Variants in SDCCAG8 observed in about 807,000 individuals in gnomAD.
SDCCAG8 encodes SHH signaling and ciliogenesis regulator SDCCAG8, also known as serologically defined colon cancer antigen 8.
Under a neutral mutation model 101.8 loss-of-function variants are expected in SDCCAG8, and 74 were observed. That is an observed-to-expected ratio of 0.73 (90% CI 0.60 to 0.88). The LOEUF (loss-of-function observed/expected upper bound fraction) is 0.88. SDCCAG8 is among the 40% of genes least tolerant of loss of function. SDCCAG8 has a pLI of 0.00. For missense variants in SDCCAG8, 787 were observed against 822.6 expected (o/e 0.96, Z 0.53); for synonymous variants, 281 against 292.9 (o/e 0.96, Z 0.41).
At chr1:243,313,111 A>T (rs142488141) in intron 8 of SDCCAG8, among the ~76,000 whole-genome samples, 1 of 152,332 alleles carries the variant, frequency 6.6e-6, no homozygotes, top group African/African-American at 2.4e-5. Flanking sequence ...GCTTTAGTCC[A>T]GCTTGTGATT....
rs543115202 is a variant in SDCCAG8, at chr1:243,493,119, GAC to G, written c.2112+3986_2112+3987del. Among the ~76,000 whole-genome samples, 257 of 151,990 alleles carry G rather than the reference GAC, an allele frequency of 1.7e-3. 1 individual carries two copies. Among genetic ancestry groups the G allele is most frequent in the Non-Finnish European group, 2.5e-3 (171 of 67,972 alleles). Reference sequence around the variant, plus strand: ...TATTCCGGGAGGGTCAGGGCCTCCAGACACACACCCTGGCCTGTCTTTTGTTT... The same window carrying G: ...TATTCCGGGAGGGTCAGGGCCTCCAGACACACCCTGGCCTGTCTTTTGTTT... On this transcript the variant is annotated intron_variant, in intron 17 of 17. Transcript: ENST00000366541.
intron 16 of SDCCAG8, among the ~76,000 whole-genome samples, chr1:243,463,563 G>A (rs753348472): frequency 1.3e-5 from 2 of 152,124 alleles, no homozygotes; most frequent in East Asian, 1.9e-4. Context: ...GATGGAAACC[G>A]CTTCCTGTAA....
intron 6 of SDCCAG8, among the ~76,000 whole-genome samples, chr1:243,300,593 T>A (rs377377145): frequency 3.3e-5 from 5 of 152,154 alleles, no homozygotes; most frequent in East Asian, 1.9e-4. Context: ...ATTTTGCCCA[T>A]CTCCAATCAC....
intron 9 of SDCCAG8, among the ~76,000 whole-genome samples, chr1:243,330,079 T>C (rs1378896207): frequency 6.6e-6 from 1 of 152,246 alleles, no homozygotes; most frequent in Non-Finnish European, 1.5e-5. Context: ...CTGTGTGTAA[T>C]GATATATTCA....
At chr1:243,330,986 C>T (rs2074549770) in intron 10 of SDCCAG8, among the ~76,000 whole-genome samples, 1 of 152,054 alleles carries the variant, frequency 6.6e-6, no homozygotes, top group Admixed American at 6.6e-5. Context: ...CTCGTGTTTC[C>T]CAGAGTCGTG....
At chr1:243,365,706 T>C (rs2076955713) in intron 12 of SDCCAG8, among the ~76,000 whole-genome samples, 1 of 152,130 alleles carries the variant, frequency 6.6e-6, no homozygotes, top group African/African-American at 2.4e-5. Flanking sequence ...TCTAAAAAAC[T>C]ATATTTACTA....
At chr1:243,403,952 A>G (rs1295237615) in intron 13 of SDCCAG8, among the ~76,000 whole-genome samples, 2 of 152,312 alleles carry the variant, frequency 1.3e-5, no homozygotes, top group East Asian at 3.9e-4. Flanking sequence ...TTTCCATGAA[A>G]CCAGTCATTG....
chr1:243,364,514 G>A (rs1360672350), intron 12 of SDCCAG8, among the ~76,000 whole-genome samples: 1 of 152,140 alleles, frequency 6.6e-6, no homozygotes, highest in East Asian at 1.9e-4. Context: ...GGGTAGGTAG[G>A]TAGGTAGAGA....
chr1:243,340,807 T>C (rs2075339246), intron 10 of SDCCAG8, among the ~76,000 whole-genome samples: 2 of 152,208 alleles, frequency 1.3e-5, no homozygotes, highest in Non-Finnish European at 2.9e-5. Context: ...CATCTTGTTA[T>C]ACATTTTTCA....
At chr1:243,256,312 C>G (rs1248787307) in intron 1 of SDCCAG8, 72 bp downstream of exon 1, 10 of 1,241,726 alleles carry the variant, frequency 8.1e-6, no homozygotes, top group Non-Finnish European at 1.2e-5. Context: ...AGACCAGGTG[C>G]GTTTCCTAAC....
At chr1:243,430,684 A>C (rs1192700027) in intron 16 of SDCCAG8, among the ~76,000 whole-genome samples, 1 of 151,580 alleles carries the variant, frequency 6.6e-6, no homozygotes, top group Admixed American at 6.6e-5. Context: ...GTGATCCGCC[A>C]GCCTCGGCCT....
intron 12 of SDCCAG8, among the ~76,000 whole-genome samples, chr1:243,353,096 G>A (rs2076175184): frequency 6.6e-6 from 1 of 152,132 alleles, no homozygotes; most frequent in South Asian, 2.1e-4. Context: ...AACCAGGTAT[G>A]CCAATAAATA....
At chr1:243,480,344 G>A (rs1309165453) in intron 16 of SDCCAG8, among the ~76,000 whole-genome samples, 3 of 116,204 alleles carry the variant, frequency 2.6e-5, no homozygotes, top group Non-Finnish European at 3.6e-5. Context: ...ATGGATAGGT[G>A]GGATGGATGG....
At chr1:243,309,273 CT>C (rs1185144282) in intron 8 of SDCCAG8, among the ~76,000 whole-genome samples, 1 of 152,168 alleles carries the variant, frequency 6.6e-6, no homozygotes, top group Non-Finnish European at 1.5e-5. Flanking sequence ...GTTACTTAAC[CT>C]TTTTGTGCCT....
intron 4 of SDCCAG8, among the ~76,000 whole-genome samples, chr1:243,281,650 C>CTTTT (rs35028868): frequency 7.9e-5 from 9 of 113,752 alleles, no homozygotes; most frequent in South Asian, 3.0e-4. Flanking sequence ...CCTTCTCTGG[C>CTTTT]TTTTTTTTTT....
At chr1:243,288,619 G>C (rs2069875687) in intron 5 of SDCCAG8, among the ~76,000 whole-genome samples, 2 of 152,100 alleles carry the variant, frequency 1.3e-5, no homozygotes, top group Admixed American at 1.3e-4. Flanking sequence ...TTTGTAATGA[G>C]TCAATTAAAA....
At chr1:243,368,211 C>CA (rs60270982) in intron 12 of SDCCAG8, among the ~76,000 whole-genome samples, 14 of 142,744 alleles carry the variant, frequency 9.8e-5, no homozygotes, top group African/African-American at 3.1e-4. Context: ...GACCCTGTCT[C>CA]AAAAAAAAAA....
chr1:243,260,076 TTGCTTTGGGTCGCCTA>T (rs1238533888), intron 1 of SDCCAG8, among the ~76,000 whole-genome samples: 10 of 152,302 alleles, frequency 6.6e-5, no homozygotes, highest in African/African-American at 2.2e-4. Context: ...AAGATATCTC[TTGCTTTGGGTCGCCTA>T]TGCCCTTTTA....
At chr1:243,317,859 C>T (rs2073398907) in intron 9 of SDCCAG8, among the ~76,000 whole-genome samples, 1 of 152,138 alleles carries the variant, frequency 6.6e-6, no homozygotes, top group Non-Finnish European at 1.5e-5. Flanking sequence ...AAATATTGGA[C>T]AGTGCAGATA....
Sources: allele counts gnomAD v4.1 joint callset (sites outside exome capture counted in the v4.1 genomes callset), GRCh38; gene constraint gnomAD v4.1.1; transcripts MANE v1.5; gene names NCBI Gene and HGNC (gene_info 2026-07-23, HGNC 2026-07-21).